Variants in PRSS38 observed in about 807,000 individuals in gnomAD.
PRSS38 encodes marapsin 2.
In PRSS38, 22 loss-of-function variants were observed where a neutral mutation model predicts 26.8. The ratio of observed to expected loss-of-function variants is 0.82; its 90% confidence interval spans 0.59 to 1.17. The LOEUF is 1.17. Among genes scored for constraint, PRSS38 ranks in the 50% most tolerant of loss-of-function variants. PRSS38 has a pLI of 0.00. For missense variants in PRSS38, 427 were observed against 422.7 expected (o/e 1.01, Z -0.09); for synonymous variants, 175 against 172.1 (o/e 1.02, Z -0.13).
chr1:227,816,356 G>T lies in PRSS38; in HGVS notation c.311+104G>T. 7.7e-7 allele frequency: 1 copy of T among 1,292,828 alleles called. No individual in the cohort carries two copies. The highest frequency in any genetic ancestry group is 2.4e-5 in the East Asian group (1 of 42,480). 80.1% of individuals were successfully genotyped at this position (1,292,828 alleles called of 1,614,324 possible). On this transcript the variant is annotated intron_variant, in intron 2 of 4. Coordinates refer to ENST00000366757, the Ensembl canonical transcript of PRSS38. This position sits in a 1 kb window ranked among gnomAD's most constrained non-coding sequence, Gnocchi z 5.1. ...GCAAGCCTCCCCCATCACCATTGTC[G>T]ACTCCCTTCACCACTGTCGACCCGC...
exon 5 of PRSS38, chr1:227,846,144 C>T: frequency 1.2e-6 from 2 of 1,613,894 alleles, no homozygotes; most frequent in Middle Eastern, 1.7e-4. Flanking sequence ...CCTGCTCTCT[C>T]TCCAGCTCTG....
At chr1:227,841,011 A>G (rs1665330291) in intron 3 of PRSS38, among the ~76,000 whole-genome samples, 1 of 152,234 alleles carries the variant, frequency 6.6e-6, no homozygotes, top group South Asian at 2.1e-4. Flanking sequence ...AGAAGCCTCT[A>G]ATTCCTAGAT....
chr1:227,827,540 C>CTTATCAT (rs796267708), intron 3 of PRSS38, among the ~76,000 whole-genome samples: 19 of 151,506 alleles, frequency 1.3e-4, no homozygotes, highest in East Asian at 9.7e-4. Flanking sequence ...CAATATCCCT[C>CTTATCAT]TTATCATTTC....
At chr1:227,828,941 G>C (rs1363834632) in intron 3 of PRSS38, among the ~76,000 whole-genome samples, 1 of 152,158 alleles carries the variant, frequency 6.6e-6, no homozygotes, top group African/African-American at 2.4e-5. Flanking sequence ...TGATCTGCTG[G>C]TTGCAATGAT....
At chr1:227,820,113 A>G (rs1330081503) in intron 3 of PRSS38, among the ~76,000 whole-genome samples, 1 of 146,428 alleles carries the variant, frequency 6.8e-6, no homozygotes, top group African/African-American at 2.6e-5. Flanking sequence ...AAAAAAAAAA[A>G]GCAACACAAC....
intron 3 of PRSS38, among the ~76,000 whole-genome samples, chr1:227,826,690 T>C (rs1264563375): frequency 1.3e-5 from 2 of 151,800 alleles, no homozygotes; most frequent in South Asian, 2.1e-4. Context: ...CACTCTAGCC[T>C]GAGTGACAGA....
At chr1:227,838,197 T>A (rs1665266138) in intron 3 of PRSS38, among the ~76,000 whole-genome samples, 1 of 152,230 alleles carries the variant, frequency 6.6e-6, no homozygotes, top group Non-Finnish European at 1.5e-5. Flanking sequence ...CTATTGTAAG[T>A]TTACAAAGAT....
At chr1:227,825,950 G>T (rs977135344) in intron 3 of PRSS38, among the ~76,000 whole-genome samples, 1 of 152,074 alleles carries the variant, frequency 6.6e-6, no homozygotes, top group African/African-American at 2.4e-5. Context: ...GAATAGTATT[G>T]AATCTATAAA....
intron 3 of PRSS38, among the ~76,000 whole-genome samples, chr1:227,841,425 CAT>C: frequency 6.6e-6 from 1 of 152,376 alleles, no homozygotes; most frequent in African/African-American, 2.4e-5. Flanking sequence ...AACCGCAAGA[CAT>C]ATGGCAGAGG....
chr1:227,823,371 T>C (rs1019174980), intron 3 of PRSS38, among the ~76,000 whole-genome samples: 1 of 151,876 alleles, frequency 6.6e-6, no homozygotes, highest in African/African-American at 2.4e-5. Flanking sequence ...ACATTTTCTT[T>C]ATCCAATCAT....
intron 3 of PRSS38, among the ~76,000 whole-genome samples, chr1:227,826,457 T>C (rs1217102526): frequency 6.6e-6 from 1 of 152,214 alleles, no homozygotes; most frequent in African/African-American, 2.4e-5. Context: ...CTAACGCCTG[T>C]AATCCCAACA....
At chr1:227,829,183 T>A (rs1006399885) in intron 3 of PRSS38, among the ~76,000 whole-genome samples, 2 of 152,212 alleles carry the variant, frequency 1.3e-5, no homozygotes, top group African/African-American at 4.8e-5. Context: ...CATTCCTCTC[T>A]GTGAGTGCCA....
At chr1:227,842,522 G>T (rs900200058) in intron 3 of PRSS38, among the ~76,000 whole-genome samples, 4 of 151,866 alleles carry the variant, frequency 2.6e-5, no homozygotes, top group Non-Finnish European at 5.9e-5. Flanking sequence ...TGACAATAAC[G>T]TATCTGCTTT....
intron 3 of PRSS38, among the ~76,000 whole-genome samples, chr1:227,830,501 C>CTTTTT (rs1243159470): frequency 8.0e-6 from 1 of 125,134 alleles, no homozygotes; most frequent in Non-Finnish European, 1.7e-5. Context: ...AAGGTGTCTA[C>CTTTTT]TTTTTTTTTT....
At chr1:227,835,413 T>C (rs569445893) in intron 3 of PRSS38, among the ~76,000 whole-genome samples, 17 of 152,164 alleles carry the variant, frequency 1.1e-4, no homozygotes, top group African/African-American at 3.6e-4. Flanking sequence ...AAAAACAATG[T>C]TAAACATAGA....
chr1:227,815,879 AGGG>A lies in PRSS38; in HGVS notation c.148+17_148+19del, dbSNP rs763377478. On this transcript the variant is annotated intron_variant, in intron 1 of 4. Transcript: ENST00000366757. ...TGGCAGCGTGGGTAGGCCCTGCCCCAGGGGCGGATGGGCGGCTGGAGACAGTGC... is the reference window on the plus strand; with the variant it reads ...TGGCAGCGTGGGTAGGCCCTGCCCCAGCGGATGGGCGGCTGGAGACAGTGC... 27 of 1,590,236 alleles carry A rather than the reference AGGG, an allele frequency of 1.7e-5. No individual in the cohort carries two copies. Among genetic ancestry groups the A allele is most frequent in the Non-Finnish European group, 2.1e-5 (24 of 1,163,952 alleles).
Position 227,816,990 on chromosome 1 carries a change from G to A in PRSS38, c.312-219G>A, listed in dbSNP as rs1056473639. 2.6e-5 allele frequency among the ~76,000 whole-genome samples: 4 copies of A among 152,228 alleles called. No individual in the cohort carries two copies. The highest frequency in any genetic ancestry group is 6.5e-5 in the Admixed American group (1 of 15,284). ...CTGCTGGCCTGTACAGCTGGTGGTC[G>A]TGTACAGACTTGGGTCCCCAGAGCC... On this transcript the variant is annotated intron_variant, in intron 2 of 4. Transcript: ENST00000366757. This position sits in a 1 kb window ranked among gnomAD's most constrained non-coding sequence, Gnocchi z 5.1.
chr1:227,827,031 C>T (rs539110836), intron 3 of PRSS38, among the ~76,000 whole-genome samples: 2 of 152,260 alleles, frequency 1.3e-5, no homozygotes, highest in South Asian at 4.2e-4. Flanking sequence ...ATGAAGCCAA[C>T]TTGATTGTAG....
chr1:227,843,427 G>T (rs1333075315), intron 3 of PRSS38, among the ~76,000 whole-genome samples: 2 of 152,320 alleles, frequency 1.3e-5, no homozygotes, highest in Admixed American at 6.5e-5. Flanking sequence ...AACCAGCCGG[G>T]CGTGGTGGCT....
Sources: gnomAD v4.1 joint callset for allele counts (sites outside exome capture counted in the v4.1 genomes callset) on GRCh38, gnomAD v4.1.1 for gene constraint, Gnocchi (gnomAD v3.1) non-coding constraint, MANE v1.5 for transcripts, NCBI Gene and HGNC (gene_info 2026-07-23, HGNC 2026-07-21) for gene names.